Variants in CDKAL1 observed in about 807,000 individuals in gnomAD.
The protein encoded by CDKAL1 is CDKAL1 threonylcarbamoyladenosine tRNA methylthiotransferase.
In CDKAL1, 32 loss-of-function variants were observed where a neutral mutation model predicts 68.2. The observed-to-expected ratio is 0.47, with a 90% confidence interval of 0.35 to 0.63. CDKAL1 has a LOEUF of 0.63. Ranked by LOEUF, CDKAL1 falls within the 30% of genes least tolerant of loss-of-function variation. CDKAL1 has a pLI of 0.00. For synonymous variants in CDKAL1, 234 were observed against 244.3 expected (o/e 0.96, Z 0.39); for missense variants, 606 against 696.7 (o/e 0.87, Z 1.47).
intron 11 of CDKAL1, among the ~76,000 whole-genome samples, chr6:21,019,793 A>G (rs1582040734): frequency 2.6e-5 from 4 of 152,348 alleles, no homozygotes; most frequent in African/African-American, 9.6e-5. Context: ...AATGTTTCAT[A>G]TGCTCACAAG....
intron 11 of CDKAL1, among the ~76,000 whole-genome samples, chr6:21,045,419 AGATGTGTTTGTTTTCTCCCT>A: frequency 6.6e-6 from 1 of 152,282 alleles, no homozygotes; most frequent in Middle Eastern, 3.4e-3. Flanking sequence ...AAAATTAACA[AGATGTGTTTGTTTTCTCCCT>A]GACTCTGAGT....
chr6:20,795,701 G>T (rs1776080747), intron 8 of CDKAL1, among the ~76,000 whole-genome samples: 1 of 152,132 alleles, frequency 6.6e-6, no homozygotes, highest in Non-Finnish European at 1.5e-5. Context: ...TGCTGAATGG[G>T]TTATAGTAAA....
chr6:20,957,968 CA>C (rs60301451), intron 10 of CDKAL1, among the ~76,000 whole-genome samples: 853 of 67,370 alleles, frequency 0.013, no homozygotes, highest in African/African-American at 0.025. Context: ...AAGATTATCT[CA>C]AAAAAAAAAA....
At chr6:20,757,716 A>G (rs1774283880) in intron 6 of CDKAL1, among the ~76,000 whole-genome samples, 1 of 152,176 alleles carries the variant, frequency 6.6e-6, no homozygotes, top group Non-Finnish European at 1.5e-5. Flanking sequence ...GAAAGATGTT[A>G]TGATTTCTTT....
At chr6:20,815,981 C>T (rs1777026764) in intron 8 of CDKAL1, among the ~76,000 whole-genome samples, 1 of 152,148 alleles carries the variant, frequency 6.6e-6, no homozygotes. Flanking sequence ...CATGTTCTCT[C>T]CAGAGCTATA....
intron 11 of CDKAL1, among the ~76,000 whole-genome samples, chr6:21,001,119 C>T (rs1284646503): frequency 3.3e-5 from 5 of 152,200 alleles, no homozygotes; most frequent in African/African-American, 9.6e-5. Flanking sequence ...CACTGTTCTC[C>T]CCTCTGGGGA....
chr6:21,171,276 G>A (rs567828530), intron 13 of CDKAL1, among the ~76,000 whole-genome samples: 4 of 152,164 alleles, frequency 2.6e-5, no homozygotes, highest in South Asian at 2.1e-4. Flanking sequence ...GCAGTGGTAC[G>A]ATCTCAGCTC....
At chr6:20,599,827 G>A (rs1028187185) in intron 4 of CDKAL1, among the ~76,000 whole-genome samples, 5 of 152,106 alleles carry the variant, frequency 3.3e-5, no homozygotes, top group African/African-American at 4.8e-5. Context: ...AACTCCTTGG[G>A]TAGCATGTGT....
Position 20,539,094 on chromosome 6 carries a change from A to G in CDKAL1, c.-6+3700A>G, listed in dbSNP as rs973640266. 2.0e-5 allele frequency among the ~76,000 whole-genome samples: 3 copies of G among 152,192 alleles called. No homozygotes were observed. Among genetic ancestry groups the G allele is most frequent in the African/African-American group, 7.2e-5 (3 of 41,456 alleles). On this transcript the variant is annotated intron_variant, in intron 2 of 15. Transcript: ENST00000274695. The surrounding 1 kb of genome is among the most constrained non-coding windows in gnomAD (Gnocchi z 4.3). ...CTTGGGCAGCGTGGTTATTTTAGAT[A>G]AGGTAGTAGGAAAGGCCTCTCCGAG... is the stretch of plus-strand genomic sequence containing the variant.
chr6:20,781,029 C>G (rs1005681498), intron 7 of CDKAL1, 116 bp from the exon 8 acceptor site: 30 of 1,019,304 alleles, frequency 2.9e-5, no homozygotes, highest in Non-Finnish European at 4.2e-5. Context: ...CTTCACTCTT[C>G]TATGTTGTTT....
At chr6:20,966,441 C>T (rs923718928) in intron 10 of CDKAL1, among the ~76,000 whole-genome samples, 3 of 152,094 alleles carry the variant, frequency 2.0e-5, no homozygotes, top group African/African-American at 4.8e-5. Flanking sequence ...TCAGAACTAT[C>T]GAATATTAAA....
At chr6:20,904,737 C>T (rs1390756287) in intron 9 of CDKAL1, among the ~76,000 whole-genome samples, 4 of 151,586 alleles carry the variant, frequency 2.6e-5, no homozygotes, top group Non-Finnish European at 4.4e-5. Flanking sequence ...TGCGGCGAGC[C>T]GAGATTGCGG....
chr6:20,890,123 A>G (rs1183162229), intron 9 of CDKAL1, among the ~76,000 whole-genome samples: 1 of 152,200 alleles, frequency 6.6e-6, no homozygotes, highest in Non-Finnish European at 1.5e-5. Flanking sequence ...GAAAAAAATA[A>G]TCCTGAGCTT....
chr6:20,829,678 A>C (rs1223782162), intron 8 of CDKAL1, among the ~76,000 whole-genome samples: 1 of 152,188 alleles, frequency 6.6e-6, no homozygotes, highest in Non-Finnish European at 1.5e-5. Context: ...AAGTAGCATC[A>C]AATGTTTTAT....
intron 13 of CDKAL1, among the ~76,000 whole-genome samples, chr6:21,156,681 C>T (rs931571914): frequency 2.6e-5 from 4 of 151,932 alleles, no homozygotes; most frequent in Non-Finnish European, 4.4e-5. Flanking sequence ...GAAGGAAGAA[C>T]GATGGATGTA....
chr6:20,689,721 A>G (rs941093897), intron 5 of CDKAL1, among the ~76,000 whole-genome samples: 2 of 152,194 alleles, frequency 1.3e-5, no homozygotes, highest in African/African-American at 4.8e-5. Context: ...GTGGTTTTCA[A>G]AGAAATTTCA....
chr6:20,747,161 A>T (rs1773698347), intron 6 of CDKAL1, among the ~76,000 whole-genome samples: 1 of 152,178 alleles, frequency 6.6e-6, no homozygotes, highest in Non-Finnish European at 1.5e-5. Context: ...TGTTGTCACA[A>T]ATGACTGGAT....
intron 9 of CDKAL1, among the ~76,000 whole-genome samples, chr6:20,954,226 A>G (rs1387107793): frequency 6.6e-6 from 1 of 152,036 alleles, no homozygotes; most frequent in Non-Finnish European, 1.5e-5. Context: ...AGGAGCGAAG[A>G]TCTTTATTTT....
chr6:21,190,544 T>A (rs1282624837), intron 13 of CDKAL1, among the ~76,000 whole-genome samples: 6 of 152,176 alleles, frequency 3.9e-5, no homozygotes, highest in Non-Finnish European at 8.8e-5. Context: ...ATTTTTGTAT[T>A]TTTGTAGAGA....
Sources: gnomAD v4.1 joint callset for allele counts (sites outside exome capture counted in the v4.1 genomes callset) on GRCh38, gnomAD v4.1.1 for gene constraint, Gnocchi (gnomAD v3.1) non-coding constraint, MANE v1.5 for transcripts, NCBI Gene and HGNC (gene_info 2026-07-23, HGNC 2026-07-21) for gene names.